Variants in CDK8 observed in about 807,000 individuals in gnomAD.
CDK8 encodes cyclin-dependent kinase 8.
Under a neutral mutation model 71.5 loss-of-function variants are expected in CDK8, and 29 were observed. The observed-to-expected ratio is 0.41, with a 90% CI of 0.30 to 0.55. The LOEUF (loss-of-function observed/expected upper bound fraction) is 0.55. CDK8 is among the 20% of genes least tolerant of loss of function. The probability of loss-of-function intolerance (pLI) is 0.37; values close to 1 mark genes in which losing one functional copy is unlikely to be tolerated. For missense variants in CDK8, 288 were observed against 572.6 expected (o/e 0.50, Z 5.07); for synonymous variants, 161 against 192.1 (o/e 0.84, Z 1.34).
chr13:26,280,056 A>G (rs374729444), intron 1 of CDK8, among the ~76,000 whole-genome samples: 2 of 152,212 alleles, frequency 1.3e-5, no homozygotes, highest in African/African-American at 4.8e-5. Context: ...TTTATTATAC[A>G]TCCTTCAATT....
chr13:26,387,287 T>G (rs1014118426), intron 6 of CDK8, among the ~76,000 whole-genome samples: 6 of 152,250 alleles, frequency 3.9e-5, no homozygotes, highest in Admixed American at 3.9e-4. Flanking sequence ...TTGTATGTTT[T>G]GATCTCTCCC....
rs372076216 is a variant in CDK8 at position 26,390,891 on chromosome 13, A to G, written c.647-2476A>G. On this transcript the variant is annotated intron_variant, in intron 6 of 12. Transcript: ENST00000381527. The stretch of plus-strand genomic sequence containing the variant: ...CAGTAGCTACCTATAAGCATCACAC[A>G]TTTTGAGAAGTAGATGAAACTTATA... Among the ~76,000 whole-genome samples, 31 of 152,124 alleles carry G rather than the reference A, an allele frequency of 2.0e-4. No individual in the cohort carries two copies. In the East Asian group the frequency reaches 4.8e-3, roughly 24 times the overall value.
chr13:26,318,930 T>C (rs917473634), intron 1 of CDK8, among the ~76,000 whole-genome samples: 1 of 152,340 alleles, frequency 6.6e-6, no homozygotes, highest in African/African-American at 2.4e-5. Context: ...TTTTACCACT[T>C]CTGTGCATTA....
chr13:26,316,440 C>A (rs946585919), intron 1 of CDK8, among the ~76,000 whole-genome samples: 3 of 152,028 alleles, frequency 2.0e-5, no homozygotes, highest in African/African-American at 7.2e-5. Context: ...GTTGCAAACC[C>A]CTTTCCCTCC....
chr13:26,275,012 A>G (rs1030170752), intron 1 of CDK8, among the ~76,000 whole-genome samples: 8 of 152,052 alleles, frequency 5.3e-5, no homozygotes, highest in Non-Finnish European at 1.2e-4. Context: ...TCTAACTTTA[A>G]TTTTTCTACT....
chr13:26,404,946 A>G lies in CDK8; in HGVS notation c.*865A>G, dbSNP rs1018935763. The G allele has an allele frequency of 4.9e-5, 10 of 203,206 alleles. No homozygotes were observed. The highest frequency in any genetic ancestry group is 2.4e-4 in the Admixed American group (4 of 16,734). 12.6% of individuals were successfully genotyped at this position (203,206 alleles called of 1,614,324 possible). Reference sequence around the variant, plus strand: ...CTTCCTTAAAAAGGTGCGGCATCCAATTCAAATATTTTCGTCCTGATTTTA... The same window carrying G: ...CTTCCTTAAAAAGGTGCGGCATCCAGTTCAAATATTTTCGTCCTGATTTTA... On this transcript the variant is annotated 3_prime_UTR_variant, in exon 13 of 13. Coordinates refer to ENST00000381527, the MANE Select transcript of CDK8 (RefSeq NM_001260.3).
At chr13:26,389,252 T>C (rs894818279) in intron 6 of CDK8, among the ~76,000 whole-genome samples, 1 of 152,132 alleles carries the variant, frequency 6.6e-6, no homozygotes, top group African/African-American at 2.4e-5. Context: ...AACCTCCGCT[T>C]CCCAGGTTCA....
At chr13:26,348,573 G>A (rs1367389826) in intron 2 of CDK8, among the ~76,000 whole-genome samples, 3 of 135,396 alleles carry the variant, frequency 2.2e-5, no homozygotes, top group Non-Finnish European at 4.8e-5. Context: ...CCCAGCCCCC[G>A]CCCTGCACCT....
At chr13:26,295,995 C>A (rs1873542478) in intron 1 of CDK8, among the ~76,000 whole-genome samples, 1 of 152,084 alleles carries the variant, frequency 6.6e-6, no homozygotes, top group South Asian at 2.1e-4. Context: ...TCTGGCTACA[C>A]CCCTGAGCAC....
Position 26,402,469 on chromosome 13 carries a change from C to CA in CDK8, c.1269+854dup, listed in dbSNP as rs779627151. On this transcript the variant is annotated intron_variant, in intron 12 of 12. Transcript: ENST00000381527. ...CTGACCAATTAGAATTATTTACACA[C>CA]AAAAAAAAAGAGAGAGAGAAAGAGA... Among the ~76,000 whole-genome samples the CA allele has an allele frequency of 3.5e-4, 53 of 150,566 alleles. No individual in the cohort carries two copies. The East Asian group carries it at 3.9e-3, about 11-fold the overall frequency.
At chr13:26,256,148 T>C (rs926943506) in intron 1 of CDK8, among the ~76,000 whole-genome samples, 1 of 152,212 alleles carries the variant, frequency 6.6e-6, no homozygotes, top group Admixed American at 6.5e-5. Context: ...GAAAACTTGA[T>C]ATTCTGGGCG....
At chr13:26,323,680 G>A (rs1172689324) in intron 1 of CDK8, among the ~76,000 whole-genome samples, 1 of 151,962 alleles carries the variant, frequency 6.6e-6, no homozygotes, top group African/African-American at 2.4e-5. Context: ...ATAGTTTTGA[G>A]TGTGGTTTTA....
chr13:26,290,980 A>T (rs192850393), intron 1 of CDK8, among the ~76,000 whole-genome samples: 1 of 152,116 alleles, frequency 6.6e-6, no homozygotes, highest in South Asian at 2.1e-4. Flanking sequence ...TTAGCTGGGC[A>T]TGGTGGCGCC....
intron 1 of CDK8, among the ~76,000 whole-genome samples, chr13:26,287,308 G>A (rs903735142): frequency 3.3e-5 from 5 of 152,152 alleles, no homozygotes; most frequent in Non-Finnish European, 4.4e-5. Flanking sequence ...CAGCTCTGTC[G>A]CCCAGGCTGG....
intron 2 of CDK8, among the ~76,000 whole-genome samples, chr13:26,339,771 A>G (rs970173580): frequency 5.5e-5 from 8 of 146,784 alleles, no homozygotes; most frequent in Non-Finnish European, 1.2e-4. Context: ...ATATATATAT[A>G]TAGTGTAGTA....
At chr13:26,348,093 G>T (rs112363396) in intron 2 of CDK8, among the ~76,000 whole-genome samples, 2 of 151,548 alleles carry the variant, frequency 1.3e-5, no homozygotes, top group East Asian at 3.9e-4. Context: ...TATCTATATA[G>T]ATATATATAT....
At chr13:26,256,235 G>A (rs1282548664) in intron 1 of CDK8, among the ~76,000 whole-genome samples, 1 of 152,154 alleles carries the variant, frequency 6.6e-6, no homozygotes, top group Non-Finnish European at 1.5e-5. Context: ...TGGAGATATT[G>A]CTGACTCTGT....
At chr13:26,323,811 T>C (rs572881790) in intron 1 of CDK8, among the ~76,000 whole-genome samples, 3 of 152,276 alleles carry the variant, frequency 2.0e-5, no homozygotes, top group South Asian at 4.1e-4. Context: ...AATGTGTCTT[T>C]AAGTGCATAT....
intron 1 of CDK8, among the ~76,000 whole-genome samples, chr13:26,289,582 G>A (rs1873200157): frequency 6.6e-6 from 1 of 151,914 alleles, no homozygotes; most frequent in South Asian, 2.1e-4. Flanking sequence ...ACTGAGTCTC[G>A]CTCTGTGGCC....
Sources: gnomAD v4.1 joint callset for allele counts (sites outside exome capture counted in the v4.1 genomes callset) on GRCh38, gnomAD v4.1.1 for gene constraint, MANE v1.5 for transcripts, NCBI Gene and HGNC (gene_info 2026-07-23, HGNC 2026-07-21) for gene names.